Variants in ZNF385D observed in about 807,000 individuals in gnomAD.
ZNF385D encodes zinc finger protein 385D.
Under a neutral mutation model 35.8 loss-of-function variants are expected in ZNF385D, and 15 were observed. The observed-to-expected ratio is 0.42, with a 90% CI of 0.28 to 0.64. ZNF385D has a LOEUF of 0.64. Ranked by LOEUF, ZNF385D falls within the 30% of genes least tolerant of loss-of-function variation. The pLI, the probability that ZNF385D is intolerant of heterozygous loss-of-function variation, is 0.23. For missense variants in ZNF385D, 474 were observed against 494.6 expected, an observed-to-expected ratio of 0.96 and a Z score of 0.39; for synonymous variants, 212 against 186.8, an observed-to-expected ratio of 1.13 and a Z score of -1.10.
chr3:22,196,103 T>C (rs1383246775), intron 2 of ZNF385D, among the ~76,000 whole-genome samples: 1 of 152,080 alleles, frequency 6.6e-6, no homozygotes, highest in Non-Finnish European at 1.5e-5. Flanking sequence ...GATGAAATAC[T>C]GTGTACAATG....
At chr3:22,079,953 G>C (rs1479994) in intron 3 of ZNF385D, among the ~76,000 whole-genome samples, 40,451 of 151,754 alleles carry the variant, frequency 0.27, 5,434 homozygotes, top group Middle Eastern at 0.36. Flanking sequence ...TAGATAGATA[G>C]ATAGGTATTC....
chr3:22,003,608 T>G (rs1044473574), intron 3 of ZNF385D, among the ~76,000 whole-genome samples: 2 of 152,166 alleles, frequency 1.3e-5, no homozygotes, highest in Non-Finnish European at 2.9e-5. Flanking sequence ...AGCTCACCCC[T>G]GTAATGTCAG....
intron 2 of ZNF385D, among the ~76,000 whole-genome samples, chr3:22,205,907 T>G (rs990724803): frequency 1.3e-5 from 2 of 151,998 alleles, no homozygotes; most frequent in Non-Finnish European, 2.9e-5. Flanking sequence ...TTCTTGCTTA[T>G]AAGTAATAGC....
intron 3 of ZNF385D, among the ~76,000 whole-genome samples, chr3:21,828,246 G>A (rs555580306): frequency 3.7e-4 from 56 of 152,230 alleles, no homozygotes; most frequent in African/African-American, 7.2e-4. Flanking sequence ...TGAGAAGTTC[G>A]TGGTCATGTA....
rs570870182 is a variant in ZNF385D at position 22,284,995 on chromosome 3, G to C, written c.106+87455C>G. 3.7e-3 allele frequency among the ~76,000 whole-genome samples: 556 copies of C among 152,194 alleles called. 4 individuals carry two copies. Among genetic ancestry groups the C allele is most frequent in the African/African-American group, 0.011 (472 of 41,546 alleles). On this transcript the variant is annotated intron_variant, in intron 2 of 5. Coordinates refer to the ZNF385D transcript ENST00000494108. ...GGAAAATAAGCAAAGAGGAGAAAAA[G>C]TTACTGAATGAATGTTTAGTTTACT...
Position 21,664,809 on chromosome 3 carries a change from G to C in ZNF385D, c.165+77C>G, listed in dbSNP as rs377450244. 2.1e-5 allele frequency: 33 copies of C among 1,591,608 alleles called. No homozygotes were observed. In the African/African-American group the frequency reaches 4.2e-4, roughly 20 times the overall value. On this transcript the variant is annotated intron_variant, in intron 2 of 7. Transcript: ENST00000281523. ...ACAATATAGCAAAATGGAGGCAGTG[G>C]CCGAACCAACCCTGGCCTTTAAGTT...
At chr3:21,601,458 T>A (rs181980767) in intron 2 of ZNF385D, among the ~76,000 whole-genome samples, 1 of 152,222 alleles carries the variant, frequency 6.6e-6, no homozygotes, top group East Asian at 1.9e-4. Context: ...GATTGTAGGC[T>A]GCTGTCCCAA....
intron 3 of ZNF385D, among the ~76,000 whole-genome samples, chr3:21,802,614 C>T (rs1352871190): frequency 6.6e-6 from 1 of 152,130 alleles, no homozygotes; most frequent in Non-Finnish European, 1.5e-5. Context: ...CAGGGCACTT[C>T]AGACAGGCCA....
chr3:21,559,036 TA>T (rs1222252952), intron 3 of ZNF385D, among the ~76,000 whole-genome samples: 5 of 146,282 alleles, frequency 3.4e-5, no homozygotes, highest in African/African-American at 1.3e-4. Context: ...ATATTCCTCC[TA>T]CCCTTTATTT....
chr3:22,276,393 GA>G (rs963263795), intron 2 of ZNF385D, among the ~76,000 whole-genome samples: 1 of 152,052 alleles, frequency 6.6e-6, no homozygotes, highest in African/African-American at 2.4e-5. Context: ...TTAGCATAGT[GA>G]TCTCATGAAG....
intron 2 of ZNF385D, among the ~76,000 whole-genome samples, chr3:22,330,288 A>G (rs1694875954): frequency 6.6e-6 from 1 of 152,146 alleles, no homozygotes; most frequent in African/African-American, 2.4e-5. Flanking sequence ...AATCTTTGTC[A>G]GGCTTTTATA....
intron 2 of ZNF385D, among the ~76,000 whole-genome samples, chr3:21,588,497 A>G (rs1429631207): frequency 6.6e-6 from 1 of 152,152 alleles, no homozygotes; most frequent in Non-Finnish European, 1.5e-5. Context: ...TGTAAGAATA[A>G]TAAGCATTTA....
At chr3:22,202,338 C>G (rs1297472283) in intron 2 of ZNF385D, among the ~76,000 whole-genome samples, 1 of 152,012 alleles carries the variant, frequency 6.6e-6, no homozygotes, top group Non-Finnish European at 1.5e-5. Flanking sequence ...TCAGCCATGT[C>G]TCCTTCTCCT....
At chr3:22,101,109 T>C (rs1217653083) in intron 3 of ZNF385D, among the ~76,000 whole-genome samples, 2 of 152,038 alleles carry the variant, frequency 1.3e-5, no homozygotes, top group African/African-American at 4.8e-5. Flanking sequence ...CGAATTCTAA[T>C]GTTCATAATA....
At chr3:21,434,781 T>C (rs963908078) in intron 5 of ZNF385D, among the ~76,000 whole-genome samples, 1 of 152,082 alleles carries the variant, frequency 6.6e-6, no homozygotes, top group Non-Finnish European at 1.5e-5. Context: ...TGGGTTCTTT[T>C]CAAACAGAAA....
chr3:21,894,793 GAGCATATAACTGC>G (rs1480646156), intron 3 of ZNF385D, among the ~76,000 whole-genome samples: 1 of 152,070 alleles, frequency 6.6e-6, no homozygotes, highest in Non-Finnish European at 1.5e-5. Flanking sequence ...AGTTTTAGGT[GAGCATATAACTGC>G]AGTGTTACAA....
chr3:22,317,275 A>C (rs1054674092), intron 2 of ZNF385D, among the ~76,000 whole-genome samples: 1 of 78,368 alleles, frequency 1.3e-5, no homozygotes, highest in African/African-American at 4.5e-5. Context: ...GTGAAACTCC[A>C]TCTCCAAAAA....
chr3:21,901,655 A>G (rs1022525445), intron 3 of ZNF385D, among the ~76,000 whole-genome samples: 1 of 152,150 alleles, frequency 6.6e-6, no homozygotes, highest in Non-Finnish European at 1.5e-5. Context: ...GGTTAAATAA[A>G]CAGTTCACTG....
chr3:22,141,275 T>TA (rs35039671), intron 3 of ZNF385D, among the ~76,000 whole-genome samples: 11,652 of 151,998 alleles, frequency 0.077, 593 homozygotes, highest in Non-Finnish European at 0.12. Flanking sequence ...AATATTTCAT[T>TA]AAAAAAAATT....
Sources: gnomAD v4.1 joint callset for allele counts (sites outside exome capture counted in the v4.1 genomes callset) on GRCh38, gnomAD v4.1.1 for gene constraint, MANE v1.5 for transcripts, NCBI Gene and HGNC (gene_info 2026-07-23, HGNC 2026-07-21) for gene names.